DAAM2: variants seen among roughly 807,000 people sequenced by gnomAD.
DAAM2 encodes disheveled-associated activator of morphogenesis 2.
A neutral mutation model predicts 120.7 loss-of-function variants in DAAM2; 39 were observed. That is an observed-to-expected ratio of 0.32 (90% CI 0.25 to 0.42). DAAM2 has a LOEUF of 0.42. Ranked by LOEUF, DAAM2 falls within the 10% of genes least tolerant of loss-of-function variation. DAAM2 has a pLI of 1.00. For missense variants in DAAM2, 1,283 were observed against 1,401.7 expected, an observed-to-expected ratio of 0.92 and a Z score of 1.35; for synonymous variants, 488 against 524.9, an observed-to-expected ratio of 0.93 and a Z score of 0.96.
Position 39,904,456 on chromosome 6 carries a change from T to G in DAAM2, c.*2419T>G, listed in dbSNP as rs1218064373. On this transcript the variant is annotated 3_prime_UTR_variant, in exon 25 of 25. Coordinates refer to ENST00000274867, the MANE Select transcript of DAAM2 (RefSeq NM_001201427.2). ...TTGTTTCTTGGTCTTGCTTTCTTCATGCCCTCCCCACTGCTCCTGCCACCT... is the reference window on the plus strand; with the variant it reads ...TTGTTTCTTGGTCTTGCTTTCTTCAGGCCCTCCCCACTGCTCCTGCCACCT... 3 of 454,556 alleles carry G rather than the reference T, an allele frequency of 6.6e-6. No homozygotes were observed. In the East Asian group the frequency reaches 2.1e-4, roughly 32 times the overall value. The allele number at this position is 454,556 out of a possible 1,614,324, so 28.2% of individuals were successfully genotyped here. A position where few individuals can be genotyped will look rare whatever the true frequency, so the allele number is the denominator to read the frequency against.
chr6:39,834,714 A>G (rs1763041063), intron 1 of DAAM2, among the ~76,000 whole-genome samples: 1 of 152,208 alleles, frequency 6.6e-6, no homozygotes, highest in South Asian at 2.1e-4. Context: ...ACTCTATATA[A>G]GAGGAAGGAG....
chr6:39,902,238 G>A lies in DAAM2; in HGVS notation c.*201G>A, dbSNP rs948396664. 3.5e-5 allele frequency: 16 copies of A among 462,426 alleles called. No homozygotes were observed. The highest frequency in any genetic ancestry group is 4.7e-5 in the South Asian group (1 of 21,472). The allele number at this position is 462,426 out of a possible 1,614,324, so 28.6% of individuals were successfully genotyped here. A position where few individuals can be genotyped will look rare whatever the true frequency, so the allele number is the denominator to read the frequency against. On this transcript the variant is annotated 3_prime_UTR_variant, in exon 25 of 25. Coordinates refer to ENST00000274867, the MANE Select transcript of DAAM2 (RefSeq NM_001201427.2). The stretch of plus-strand genomic sequence containing the variant: ...GGCTCCTCTTATCTCCCCTTCACAT[G>A]ATTCCTTCTGTGCCCTGGCCCCAGG...
At chr6:39,863,165 A>G (rs1271281171) in intron 3 of DAAM2, among the ~76,000 whole-genome samples, 1 of 151,698 alleles carries the variant, frequency 6.6e-6, no homozygotes, top group Non-Finnish European at 1.5e-5. Context: ...TTCAGAGCTC[A>G]GCACAGTGAT....
At chr6:39,869,266 G>T (rs1030811231) in intron 7 of DAAM2, among the ~76,000 whole-genome samples, 1 of 152,112 alleles carries the variant, frequency 6.6e-6, no homozygotes, top group African/African-American at 2.4e-5. Flanking sequence ...TTCCTTTGGG[G>T]TCAGAATGGG....
intron 1 of DAAM2, among the ~76,000 whole-genome samples, chr6:39,808,744 T>C (rs966945723): frequency 6.6e-6 from 1 of 152,252 alleles, no homozygotes; most frequent in African/African-American, 2.4e-5. Flanking sequence ...GCCTTTGTCC[T>C]TGACCCAGTC....
intron 13 of DAAM2, 104 bp from the exon 14 acceptor site, chr6:39,879,074 G>A: frequency 6.8e-6 from 5 of 740,080 alleles, no homozygotes; most frequent in Non-Finnish European, 8.7e-6. Flanking sequence ...TAGGATTTGG[G>A]GCCTAGTATA....
intron 1 of DAAM2, among the ~76,000 whole-genome samples, chr6:39,846,227 G>C (rs1468913158): frequency 6.6e-6 from 1 of 152,172 alleles, no homozygotes; most frequent in African/African-American, 2.4e-5. Context: ...CCCAAGAGCA[G>C]TGCCGGGCAT....
Position 39,856,311 on chromosome 6 carries a change from C to T in DAAM2, c.9C>T (p.Pro3=), listed in dbSNP as rs185320536. Residue 3 remains proline, a synonymous_variant, in exon 2 of 25, where the codon CCC becomes CCT. Transcript: ENST00000274867. ...CCTGGCCTGCAGTGACCATGGCCCC[C>T]CGCAAGAGGAGCCACCATGGCCTGG... MA[P]RKRSHHGLGF... is the part of the protein sequence containing the mutation. 1.7e-4 allele frequency: 255 copies of T among 1,534,890 alleles called. No individual in the cohort carries two copies. Among genetic ancestry groups the T allele is most frequent in the African/African-American group, 1.5e-3 (111 of 72,182 alleles).
intron 1 of DAAM2, among the ~76,000 whole-genome samples, chr6:39,815,926 T>C (rs1196814722): frequency 1.3e-5 from 2 of 152,206 alleles, no homozygotes; most frequent in African/African-American, 4.8e-5. Context: ...CCAGCCCCAC[T>C]CCTCAACTTT....
chr6:39,811,259 C>A (rs949280643), intron 1 of DAAM2, among the ~76,000 whole-genome samples: 7 of 151,338 alleles, frequency 4.6e-5, no homozygotes, highest in Admixed American at 1.3e-4. Flanking sequence ...ATAGCTGGAT[C>A]TTCAGGGCCA....
In DAAM2 at chr6:39,870,105, G is replaced by A. The variant is rs147181522; in HGVS notation, c.874-235G>A. On this transcript the variant is annotated intron_variant, in intron 7 of 24. Transcript: ENST00000274867. ...GTGCTGAAGGCTAGAACTGGCAAGG[G>A]GCTTGAAGGAAGTGGGGCAGGAGAC... Among the ~76,000 whole-genome samples the A allele has an allele frequency of 2.1e-4, 32 of 152,258 alleles. No individual in the cohort carries two copies. In the East Asian group the frequency reaches 6.2e-3, roughly 29 times the overall value.
At chr6:39,815,517 G>C (rs1223118932) in intron 1 of DAAM2, among the ~76,000 whole-genome samples, 1 of 152,110 alleles carries the variant, frequency 6.6e-6, no homozygotes, top group Non-Finnish European at 1.5e-5. Context: ...AACTGTGTCT[G>C]TTAAACACAG....
intron 1 of DAAM2, among the ~76,000 whole-genome samples, chr6:39,810,794 G>C (rs1247555746): frequency 6.6e-6 from 1 of 152,114 alleles, no homozygotes; most frequent in Non-Finnish European, 1.5e-5. Context: ...TTCCCTTTCT[G>C]GTTCTTCCTG....
In DAAM2 at chr6:39,901,710, G is replaced by T; in HGVS notation, c.2983-103G>T. Reference sequence around the variant, plus strand: ...AAAGTGGGGCCAACAGATACAGGCAGGCAGCATGACCATGGCCTAGGAGTT... The same window carrying T: ...AAAGTGGGGCCAACAGATACAGGCATGCAGCATGACCATGGCCTAGGAGTT... On this transcript the variant is annotated intron_variant, in intron 24 of 24. Coordinates refer to ENST00000274867, the MANE Select transcript of DAAM2 (RefSeq NM_001201427.2). The surrounding 1 kb of genome is among the most constrained non-coding windows in gnomAD (Gnocchi z 4.5). 1.7e-6 allele frequency: 2 copies of T among 1,151,000 alleles called. No homozygotes were observed. The highest frequency in any genetic ancestry group is 1.6e-5 in the African/African-American group (1 of 64,516). 71.3% of individuals were successfully genotyped at this position (1,151,000 alleles called of 1,614,324 possible).
chr6:39,827,398 G>A (rs917048972), intron 1 of DAAM2, among the ~76,000 whole-genome samples: 1 of 152,210 alleles, frequency 6.6e-6, no homozygotes, highest in Admixed American at 6.5e-5. Context: ...GCACACAGGT[G>A]GGGAGTGTGA....
At chr6:39,811,432 C>G (rs745313946) in intron 1 of DAAM2, among the ~76,000 whole-genome samples, 7 of 152,130 alleles carry the variant, frequency 4.6e-5, no homozygotes, top group Non-Finnish European at 7.4e-5. Flanking sequence ...TTGACTATTT[C>G]AGGACAAAGT....
At chr6:39,896,386 T>C (rs1330979495) in intron 19 of DAAM2, among the ~76,000 whole-genome samples, 2 of 152,032 alleles carry the variant, frequency 1.3e-5, no homozygotes, top group Non-Finnish European at 2.9e-5. Context: ...GTATTTTTAG[T>C]AGAGACAGGG....
intron 1 of DAAM2, among the ~76,000 whole-genome samples, chr6:39,848,185 C>A (rs1763670993): frequency 6.6e-6 from 1 of 152,166 alleles, no homozygotes; most frequent in Non-Finnish European, 1.5e-5. Context: ...ATCCTTCCAG[C>A]CAGAAGTCAC....
At chr6:39,852,289 C>G (rs1234769346) in intron 1 of DAAM2, among the ~76,000 whole-genome samples, 1 of 152,198 alleles carries the variant, frequency 6.6e-6, no homozygotes, top group Non-Finnish European at 1.5e-5. Context: ...TGTTCCTCTT[C>G]TAAAGAGGTT....
Sources: gnomAD v4.1 joint callset for allele counts (sites outside exome capture counted in the v4.1 genomes callset) on GRCh38, gnomAD v4.1.1 for gene constraint, Gnocchi (gnomAD v3.1) non-coding constraint, MANE v1.5 for transcripts, NCBI Gene and HGNC (gene_info 2026-07-23, HGNC 2026-07-21) for gene names.